The following IQCM variants were observed in gnomAD, a reference collection of about 807,000 sequenced individuals.
IQCM encodes the protein IQ motif containing M, also known as IQ domain-containing protein M.
A neutral mutation model predicts 57.6 loss-of-function variants in IQCM; 45 were observed. The ratio of observed to expected loss-of-function variants is 0.78; its 90% CI spans 0.62 to 1.00. The LOEUF is 1.00. Among genes scored for constraint, IQCM ranks in the 50% least tolerant of loss-of-function variants. IQCM has a pLI of 0.00. For missense variants in IQCM, 468 were observed against 511.6 expected, an observed-to-expected ratio of 0.91 and a Z score of 0.82; for synonymous variants, 148 against 158.9, an observed-to-expected ratio of 0.93 and a Z score of 0.51.
At chr4:149,789,513 ATAT>A (rs1772381286) in intron 2 of IQCM, among the ~76,000 whole-genome samples, 2 of 152,164 alleles carry the variant, frequency 1.3e-5, no homozygotes, top group African/African-American at 4.8e-5. Context: ...ATCCAGACAA[ATAT>A]TATGAATACA....
At chr4:149,386,408 T>G (rs1055548773) in intron 13 of IQCM, among the ~76,000 whole-genome samples, 4 of 152,102 alleles carry the variant, frequency 2.6e-5, no homozygotes, top group African/African-American at 7.2e-5. Context: ...ATATTTTGCA[T>G]TCTAAATGTT....
chr4:149,362,988 T>G (rs1353349028), intron 13 of IQCM, among the ~76,000 whole-genome samples: 1 of 152,228 alleles, frequency 6.6e-6, no homozygotes, highest in Non-Finnish European at 1.5e-5. Flanking sequence ...TGTTTTGACT[T>G]TCCACTCTCT....
rs531866159 is a variant in IQCM, at chr4:149,762,951, C to G, written c.-48-20212G>C. ...ACATATTTACATGAGGTGCACACAT[C>G]CTCATGTAAATATGTATTGAGAATT... On this transcript the variant is annotated intron_variant, in intron 2 of 13. Coordinates refer to ENST00000636793, the MANE Select transcript of IQCM (RefSeq NM_001363507.2). Among the ~76,000 whole-genome samples the G allele has an allele frequency of 3.4e-4, 52 of 152,022 alleles. No individual in the cohort carries two copies. In the Middle Eastern group the frequency reaches 0.014, roughly 40 times the overall value.
intron 2 of IQCM, 74 bp downstream of exon 2, chr4:149,815,237 C>G (rs1033530560): frequency 1.3e-5 from 2 of 151,794 alleles, no homozygotes; most frequent in African/African-American, 4.8e-5. Context: ...GATGCAATGC[C>G]GCTTAAAATC....
intron 8 of IQCM, among the ~76,000 whole-genome samples, chr4:149,602,903 A>G (rs1359321693): frequency 6.6e-6 from 1 of 152,098 alleles, no homozygotes; most frequent in Non-Finnish European, 1.5e-5. Context: ...TTAGAGGGCA[A>G]TTTAACCATA....
At chr4:149,478,529 T>C (rs1740449081) in intron 12 of IQCM, among the ~76,000 whole-genome samples, 1 of 152,124 alleles carries the variant, frequency 6.6e-6, no homozygotes, top group South Asian at 2.1e-4. Flanking sequence ...TCCATTAAGG[T>C]ATGAAAAACA....
At chr4:149,705,916 A>T (rs1336985915) in intron 5 of IQCM, among the ~76,000 whole-genome samples, 1 of 86,964 alleles carries the variant, frequency 1.1e-5, no homozygotes, top group African/African-American at 3.2e-5. Flanking sequence ...AGACACAAAT[A>T]AAAAAAAAAA....
chr4:149,365,666 T>A (rs1462142700), intron 13 of IQCM, among the ~76,000 whole-genome samples: 1 of 152,180 alleles, frequency 6.6e-6, no homozygotes, highest in African/African-American at 2.4e-5. Flanking sequence ...TTCCCACTGA[T>A]ATGATGAGGA....
intron 8 of IQCM, among the ~76,000 whole-genome samples, chr4:149,609,232 T>C (rs143368325): frequency 1.7e-4 from 26 of 151,890 alleles, no homozygotes; most frequent in Non-Finnish European, 2.1e-4. Flanking sequence ...AGTATTGAGA[T>C]AGAAGCAGTA....
intron 12 of IQCM, among the ~76,000 whole-genome samples, chr4:149,544,392 C>T (rs1011509906): frequency 2.0e-5 from 3 of 152,044 alleles, no homozygotes; most frequent in Non-Finnish European, 4.4e-5. Flanking sequence ...AACCATAAGA[C>T]ACTGATGAAA....
intron 12 of IQCM, among the ~76,000 whole-genome samples, chr4:149,532,859 A>C (rs2149856289): frequency 1.3e-5 from 2 of 152,282 alleles, no homozygotes; most frequent in Middle Eastern, 3.4e-3. Context: ...ATACAGAGAA[A>C]CATGTGTAAT....
At chr4:149,704,475 A>C (rs2149818216) in intron 5 of IQCM, among the ~76,000 whole-genome samples, 1 of 152,058 alleles carries the variant, frequency 6.6e-6, no homozygotes, top group South Asian at 2.1e-4. Context: ...ATTGTGACAG[A>C]GATCATACGG....
chr4:149,497,954 C>G (rs1450606408), intron 12 of IQCM, among the ~76,000 whole-genome samples: 1 of 152,070 alleles, frequency 6.6e-6, no homozygotes, highest in African/African-American at 2.4e-5. Flanking sequence ...TTCTGATGCT[C>G]TGATGCTCCA....
At chr4:149,762,346 A>G (rs1164799509) in intron 2 of IQCM, among the ~76,000 whole-genome samples, 2 of 152,088 alleles carry the variant, frequency 1.3e-5, no homozygotes, top group Non-Finnish European at 2.9e-5. Flanking sequence ...GTTAAGATAC[A>G]GTAAAACAAG....
intron 9 of IQCM, among the ~76,000 whole-genome samples, chr4:149,575,119 C>T (rs552590633): frequency 2.0e-5 from 3 of 151,930 alleles, no homozygotes; most frequent in Non-Finnish European, 2.9e-5. Flanking sequence ...CGAGGGCTTT[C>T]GTTTTCTGTA....
chr4:149,617,513 C>T (rs1195250171), intron 8 of IQCM, among the ~76,000 whole-genome samples: 1 of 152,074 alleles, frequency 6.6e-6, no homozygotes, highest in African/African-American at 2.4e-5. Context: ...AAGATATAAA[C>T]CTTTATTACC....
intron 13 of IQCM, among the ~76,000 whole-genome samples, chr4:149,356,757 A>T (rs970380423): frequency 5.3e-5 from 8 of 152,156 alleles, no homozygotes; most frequent in Non-Finnish European, 1.2e-4. Flanking sequence ...TGAACTTTAA[A>T]GTAGTTTTTT....
At chr4:149,422,965 G>T (rs1376086857) in intron 13 of IQCM, among the ~76,000 whole-genome samples, 1 of 151,984 alleles carries the variant, frequency 6.6e-6, no homozygotes, top group Non-Finnish European at 1.5e-5. Context: ...TTAAATTTAT[G>T]CATAAAATAT....
intron 5 of IQCM, among the ~76,000 whole-genome samples, chr4:149,718,808 T>A (rs1765207829): frequency 6.6e-6 from 1 of 152,180 alleles, no homozygotes; most frequent in Admixed American, 6.5e-5. Flanking sequence ...TCCTCTTTTG[T>A]CTGTAATCTC....
Sources: gnomAD v4.1 joint callset for allele counts (sites outside exome capture counted in the v4.1 genomes callset) on GRCh38, gnomAD v4.1.1 for gene constraint, MANE v1.5 for transcripts, NCBI Gene and HGNC (gene_info 2026-07-23, HGNC 2026-07-21) for gene names.